The following TCL1B variants were observed in gnomAD, a reference collection of about 807,000 sequenced individuals.
TCL1B encodes the protein TCL1 family AKT coactivator B, also known as T-cell leukemia/lymphoma protein 1B.
TCL1B carries 14 observed loss-of-function variants against 16.9 expected under a neutral mutation model. That is an observed-to-expected ratio of 0.83 (90% confidence interval 0.55 to 1.30). The LOEUF is 1.30. Among genes scored for constraint, TCL1B ranks in the 50% most tolerant of loss-of-function variants. TCL1B has a pLI of 0.00. For synonymous variants in TCL1B, 79 were observed against 66.6 expected (o/e 1.19, Z -0.91); for missense variants, 166 against 165.2 (o/e 1.00, Z -0.03).
At chr14:95,689,395 G>A (rs1885836489) in intron 1 of TCL1B, 1 of 152,132 alleles carries the variant, frequency 6.6e-6, no homozygotes, top group South Asian at 2.1e-4. Context: ...GGTGGGATAA[G>A]GGACCTACTT....
chr14:95,688,524 C>T (rs529644624), intron 1 of TCL1B, among the ~76,000 whole-genome samples: 1 of 152,096 alleles, frequency 6.6e-6, no homozygotes, highest in African/African-American at 2.4e-5. Context: ...GAGGATTTCT[C>T]AAAGAAAGAA....
At chr14:95,688,005 T>C in intron 1 of TCL1B, among the ~76,000 whole-genome samples, 1 of 148,572 alleles carries the variant, frequency 6.7e-6, no homozygotes, top group African/African-American at 2.5e-5. Context: ...TCACTGCCTG[T>C]TTGTTTGTTT....
chr14:95,691,425 C>A, intron 3 of TCL1B, 89 bp downstream of exon 3: 3 of 1,237,372 alleles, frequency 2.4e-6, no homozygotes, highest in Non-Finnish European at 2.3e-6. Flanking sequence ...GTGGCCTCCT[C>A]CTCCCTGCTG....
intron 1 of TCL1B, among the ~76,000 whole-genome samples, chr14:95,686,911 G>T (rs183243840): frequency 2.9e-4 from 44 of 152,330 alleles, no homozygotes; most frequent in African/African-American, 9.9e-4. Flanking sequence ...CCCAGTGCCT[G>T]CTGGGAAGGC....
rs1449106763 is a variant in TCL1B at position 95,692,603 on chromosome 14, T to A, written c.*688T>A. On this transcript the variant is annotated 3_prime_UTR_variant, in exon 4 of 4. Transcript: ENST00000340722. Reference sequence around the variant, plus strand: ...CGTGAAGGTGACCTCACAGTACTGGTTAATTAAACTTTATTGCTCACTGTC... The same window carrying A: ...CGTGAAGGTGACCTCACAGTACTGGATAATTAAACTTTATTGCTCACTGTC... The A allele has an allele frequency of 6.6e-6, 1 of 152,170 alleles. No individual in the cohort carries two copies. The highest frequency in any genetic ancestry group is 2.4e-5 in the African/African-American group (1 of 41,426). 9.4% of individuals were successfully genotyped at this position (152,170 alleles called of 1,614,324 possible). A position where few individuals can be genotyped will look rare whatever the true frequency, so the allele number is the denominator to read the frequency against.
chr14:95,687,112 G>GCTAGTCACAGA (rs1456172967), intron 1 of TCL1B, among the ~76,000 whole-genome samples: 2 of 152,236 alleles, frequency 1.3e-5, no homozygotes, highest in African/African-American at 4.8e-5. Flanking sequence ...TCTGTGGCAA[G>GCTAGTCACAGA]CTAGTCACAG....
intron 2 of TCL1B, 133 bp from the exon 3 acceptor site, chr14:95,691,135 G>A: frequency 8.5e-7 from 1 of 1,182,652 alleles, no homozygotes; most frequent in Non-Finnish European, 1.2e-6. Context: ...CCCTGGGCTA[G>A]GGAAATCCAC....
rs946147523 is a variant in TCL1B at position 95,686,575 on chromosome 14, C to T, written c.108C>T (p.Val36=). The T allele has an allele frequency of 1.2e-5, 20 of 1,613,704 alleles. No individual in the cohort carries two copies. Among genetic ancestry groups the T allele is most frequent in the Non-Finnish European group, 1.6e-5 (19 of 1,179,866 alleles). Residue 36 remains valine (V), a synonymous_variant, in exon 1 of 4, where the codon GTC becomes GTT. Transcript: ENST00000340722. ...DEEGRTWVTV[V]VRFNPSRREW... ...AGGGGAGAACCTGGGTGACTGTGGT[C>T]GTGCGGTTCAATCCCTCGCGTAGGG...
intron 2 of TCL1B, 47 bp downstream of exon 2, chr14:95,690,953 G>T: frequency 1.3e-6 from 2 of 1,594,030 alleles, no homozygotes; most frequent in South Asian, 2.3e-5. Flanking sequence ...GGCCCCTGGT[G>T]ACTGCCGTGG....
rs3168840 is a variant in TCL1B, at chr14:95,692,215, C to T, written c.*300C>T. The T allele has an allele frequency of 0.036, 5,534 of 152,786 alleles. 316 individuals carry two copies. Among genetic ancestry groups the T allele is most frequent in the African/African-American group, 0.12 (5,087 of 41,528 alleles). The allele number at this position is 152,786 out of a possible 1,614,324, so 9.5% of individuals were successfully genotyped here. A position where few individuals can be genotyped will look rare whatever the true frequency, so the allele number is the denominator to read the frequency against. ...TGGCTGCAAGCTGTGGGTTCTTTCT[C>T]CTCTGTGCCCCTCATGCTGATCTTC... On this transcript the variant is annotated 3_prime_UTR_variant, in exon 4 of 4. Transcript: ENST00000340722.
rs773306196 is a variant in TCL1B at position 95,690,825 on chromosome 14, G to T, written c.252G>T (p.Leu84=). Reference sequence around the variant, plus strand: ...CCGGCCAGATGCCCTTCTCCCAGCTGCCCGCCGTGTGGCAGCTCTACCCCG... The same window carrying T: ...CCGGCCAGATGCCCTTCTCCCAGCTTCCCGCCGTGTGGCAGCTCTACCCCG... ...LSSGQMPFSQ[L]PAVWQLYPGR... is the part of the protein sequence containing the mutation. The change falls in exon 2 of 4, where the codon CTG becomes CTT. Residue 84 remains leucine (L), a synonymous_variant. Coordinates refer to ENST00000340722, the MANE Select transcript of TCL1B (RefSeq NM_004918.4). The T allele has an allele frequency of 8.7e-6, 14 of 1,614,096 alleles. 1 individual carries two copies. In the South Asian group the frequency reaches 1.1e-4, roughly 13 times the overall value.
chr14:95,688,130 G>A (rs1885803254), intron 1 of TCL1B: 1 of 151,654 alleles, frequency 6.6e-6, no homozygotes, highest in East Asian at 2.0e-4. Context: ...CGAGTAGCTT[G>A]GATTACAGGC....
chr14:95,690,850 G>A lies in TCL1B; in HGVS notation c.277G>A (p.Gly93Arg), dbSNP rs1064017. 664,617 of 1,613,890 alleles carry A rather than the reference G, an allele frequency of 0.41. 142,824 individuals carry two copies. The highest frequency in any genetic ancestry group is 0.45 in the Non-Finnish European group (533,567 of 1,179,882). ...QLPAVWQLYP[G>R]RKYRAADSSF... ...GCCCGCCGTGTGGCAGCTCTACCCC[G>A]GGAGGAAGTACCGAGCAGCGGATTC... Residue 93 changes from glycine (G) to arginine (R), a missense_variant, in exon 2 of 4, where the codon GGG becomes AGG. Coordinates refer to ENST00000340722, the MANE Select transcript of TCL1B (RefSeq NM_004918.4).
rs1464225303 is a variant in TCL1B, at chr14:95,689,934, G to A, written c.163-802G>A. Among the ~76,000 whole-genome samples, 6 of 152,180 alleles carry A rather than the reference G, an allele frequency of 3.9e-5. No individual in the cohort carries two copies. The South Asian group carries it at 1.0e-3, about 26-fold the overall frequency. ...ACTTTCCATTTTGTTGCATAACGTA[G>A]GAAGCTTTGGTTTTACTTTTCCTAT... On this transcript the variant is annotated intron_variant, in intron 1 of 3. Coordinates refer to ENST00000340722, the MANE Select transcript of TCL1B (RefSeq NM_004918.4).
intron 1 of TCL1B, among the ~76,000 whole-genome samples, chr14:95,688,901 G>C (rs1039381263): frequency 6.6e-6 from 1 of 152,184 alleles, no homozygotes; most frequent in Admixed American, 6.5e-5. Flanking sequence ...TAACAGGTAC[G>C]GAGTCTCAGT....
intron 1 of TCL1B, among the ~76,000 whole-genome samples, 164 bp from the exon 2 acceptor site, chr14:95,690,572 A>G (rs1885857117): frequency 2.0e-5 from 3 of 152,038 alleles, no homozygotes; most frequent in Non-Finnish European, 2.9e-5. Flanking sequence ...GAAGGGCCCC[A>G]GCCATCCTAG....
chr14:95,691,430 C>T, intron 3 of TCL1B, 94 bp downstream of exon 3: 1 of 1,155,382 alleles, frequency 8.7e-7, no homozygotes, highest in Non-Finnish European at 1.2e-6. Context: ...CTCCTCCTCC[C>T]TGCTGTTTGC....
rs1566740647 is a variant in TCL1B, at chr14:95,690,865, G to GC, written c.293dup (p.Ala99SerfsTer15). On this transcript the variant is annotated frameshift_variant, in exon 2 of 4. Coordinates refer to ENST00000340722, the MANE Select transcript of TCL1B (RefSeq NM_004918.4). LOFTEE classifies it high-confidence loss of function. ...GCTCTACCCCGGGAGGAAGTACCGAGCAGCGGATTCCAGTTTCTGGGAAAT... is the reference window on the plus strand; with the variant it reads ...GCTCTACCCCGGGAGGAAGTACCGAGCCAGCGGATTCCAGTTTCTGGGAAAT... 2.5e-6 allele frequency: 4 copies of GC among 1,614,228 alleles called. No individual in the cohort carries two copies. The highest frequency in any genetic ancestry group is 3.4e-6 in the Non-Finnish European group (4 of 1,180,022).
At chr14:95,686,678 C>A in intron 1 of TCL1B, 49 bp downstream of exon 1, 1 of 1,535,416 alleles carries the variant, frequency 6.5e-7, no homozygotes, top group East Asian at 2.3e-5. Flanking sequence ...GCGCACTGAC[C>A]CCTGCCCGTG....
Sources: gnomAD v4.1 joint callset for allele counts (sites outside exome capture counted in the v4.1 genomes callset) on GRCh38, gnomAD v4.1.1 for gene constraint, MANE v1.5 for transcripts, NCBI Gene and HGNC (gene_info 2026-07-23, HGNC 2026-07-21) for gene names.